The following DST variants were observed in gnomAD, a reference collection of about 807,000 sequenced individuals.
The protein encoded by DST is dystonin.
In DST, 253 loss-of-function variants were observed where a neutral mutation model predicts 875.2. The observed-to-expected ratio is 0.29, with a 90% confidence interval of 0.26 to 0.32. DST has a LOEUF of 0.32. Ranked by LOEUF, DST falls within the 10% of genes least tolerant of loss-of-function variation. DST has a pLI of 1.00. For missense variants in DST, 8,287 were observed against 9,111.6 expected (o/e 0.91, Z 3.68); for synonymous variants, 3,124 against 3,197.1 (o/e 0.98, Z 0.77).
At chr6:56,893,588 A>ATT (rs1788963958) in intron 3 of DST, among the ~76,000 whole-genome samples, 1 of 65,140 alleles carries the variant, frequency 1.5e-5, no homozygotes, top group Non-Finnish European at 2.8e-5. Context: ...TTTTTTTTTT[A>ATT]TTTTTTTTTA....
chr6:56,688,872 G>A (rs116353138), intron 9 of DST, among the ~76,000 whole-genome samples: 1,732 of 152,216 alleles, frequency 0.011, 28 homozygotes, highest in African/African-American at 0.04. Context: ...AAGAAATAAA[G>A]GAAGAGAGGG....
intron 5 of DST, among the ~76,000 whole-genome samples, chr6:56,732,177 C>T (rs1239848488): frequency 1.2e-4 from 19 of 152,078 alleles, no homozygotes; most frequent in Admixed American, 1.2e-3. Flanking sequence ...GGACCCTCTT[C>T]TAAGGAAGCA....
chr6:56,553,773 T>TC, intron 60 of DST, 118 bp from the exon 61 acceptor site: 2 of 923,942 alleles, frequency 2.2e-6, no homozygotes, highest in Non-Finnish European at 3.2e-6. Flanking sequence ...CAAGGGCTTT[T>TC]AGCATTGACT....
intron 4 of DST, among the ~76,000 whole-genome samples, chr6:56,768,931 T>G (rs1364664756): frequency 1.3e-5 from 2 of 152,028 alleles, no homozygotes; most frequent in African/African-American, 4.8e-5. Flanking sequence ...TAGCAGGGCA[T>G]AGTGGAACCA....
At position 56,639,963 on chromosome 6, in the gene DST, A is replaced by G; in HGVS notation, c.2585T>C (p.Phe862Ser). ...HKNVHRAIEE[F>S]ESSLKEAKIS... The stretch of plus-strand genomic sequence containing the variant: ...TTTAGCTTCTTTGAGACTAGATTCA[A>G]ATTCTTCAATAGCTCTATGAACATT... Residue 862 changes from phenylalanine to serine, a missense_variant, in exon 19 of 104, where the codon TTT (phenylalanine) becomes TCT (serine). Phe to Ser is a radical substitution (Grantham distance 155). Transcript: ENST00000680361. 6.2e-7 allele frequency: 1 copy of G among 1,613,412 alleles called. No homozygotes were observed. Among genetic ancestry groups the G allele is most frequent in the South Asian group, 1.1e-5 (1 of 91,030 alleles).
chr6:56,642,882 T>C, intron 15 of DST: 1 of 1,594,310 alleles, frequency 6.3e-7, no homozygotes, highest in Non-Finnish European at 8.5e-7. Context: ...CGGTGAAAAG[T>C]GGCAGCTGAA....
intron 61 of DST, among the ~76,000 whole-genome samples, chr6:56,544,791 ATT>A (rs974322324): frequency 2.6e-5 from 4 of 152,182 alleles, no homozygotes; most frequent in African/African-American, 9.7e-5. Flanking sequence ...TGCTATTAAA[ATT>A]TGTCACAATA....
At chr6:56,712,615 CAA>C (rs1472938996) in intron 5 of DST, among the ~76,000 whole-genome samples, 14 of 152,102 alleles carry the variant, frequency 9.2e-5, no homozygotes, top group Admixed American at 2.0e-4. Context: ...CTAGGTGTAA[CAA>C]AGTCTGCTTG....
chr6:56,632,157 C>A, intron 28 of DST, 117 bp from the exon 29 acceptor site: 1 of 701,268 alleles, frequency 1.4e-6, no homozygotes, highest in Non-Finnish European at 2.4e-6. Context: ...GCAAATGATT[C>A]CTGTTTTCAT....
intron 4 of DST, among the ~76,000 whole-genome samples, chr6:56,744,378 C>CAAA (rs35008377): frequency 4.7e-4 from 62 of 132,754 alleles, no homozygotes; most frequent in Middle Eastern, 3.9e-3. Flanking sequence ...GGCTGTATCT[C>CAAA]AAAAAAAAAA....
At chr6:56,460,377 G>C (rs1382914719) in intron 102 of DST, 123 bp from the exon 103 acceptor site, 7 of 942,990 alleles carry the variant, frequency 7.4e-6, no homozygotes, top group Non-Finnish European at 1.1e-5. Flanking sequence ...GGTGAAGGGG[G>C]AGAAACTCTT....
chr6:56,738,150 G>GA lies in DST; in HGVS notation c.626-2862dup, dbSNP rs569088250. Reference sequence around the variant, plus strand: ...TTCCATTTCCTATCACTGTCAGGGAGAAAAAAAAGGTACTTATATACAGCC... The same window carrying GA: ...TTCCATTTCCTATCACTGTCAGGGAGAAAAAAAAAGGTACTTATATACAGCC... On this transcript the variant is annotated intron_variant, in intron 4 of 103. Transcript: ENST00000680361. 3.3e-5 allele frequency among the ~76,000 whole-genome samples: 5 copies of GA among 151,604 alleles called. No individual in the cohort carries two copies. In the East Asian group the frequency reaches 5.8e-4, roughly 18 times the overall value.
rs2099573378 is a variant in DST, at chr6:56,746,667, G to A, written c.626-11378C>T. Reference sequence around the variant, plus strand: ...ATAAGGAGAGAGGTTGGTAGATGGTGTCTTTCCTATCTCATTCTACATATT... The same window carrying A: ...ATAAGGAGAGAGGTTGGTAGATGGTATCTTTCCTATCTCATTCTACATATT... On this transcript the variant is annotated intron_variant, in intron 4 of 103. Transcript: ENST00000680361. Among the ~76,000 whole-genome samples the A allele has an allele frequency of 3.9e-5, 6 of 152,288 alleles. 1 individual carries two copies. The South Asian group carries it at 1.2e-3, about 32-fold the overall frequency.
intron 35 of DST, 46 bp from the exon 36 acceptor site, chr6:56,624,674 CTTACTAAG>C: frequency 7.8e-7 from 1 of 1,280,850 alleles, no homozygotes; most frequent in Non-Finnish European, 1.1e-6. Context: ...TCCAGTTACT[CTTACTAAG>C]TTGAATGAAT....
At position 56,607,030 on chromosome 6, in the gene DST, T is replaced by C; in HGVS notation, c.7598A>G (p.Glu2533Gly). Residue 2533 changes from glutamate to glycine, a missense_variant, in exon 40 of 104, where the codon GAG becomes GGG. Physicochemically the swap from Glu to Gly is moderately conservative, Grantham distance 98 (BLOSUM62 -2). Coordinates refer to ENST00000680361, the MANE Select transcript of DST (RefSeq NM_001374736.1). Reference sequence around the variant, plus strand: ...AAAACCTGGATGTGTTTTTTCATCCTCACCAGAAGTATTTGAAATGTATTT... The same window carrying C: ...AAAACCTGGATGTGTTTTTTCATCCCCACCAGAAGTATTTGAAATGTATTT... Reference protein sequence around the residue: ...NDKYISNTSGEDEKTHPGFQQ... With the variant: ...NDKYISNTSGGDEKTHPGFQQ... The C allele has an allele frequency of 6.2e-7, 1 of 1,613,412 alleles. No homozygotes were observed. The highest frequency in any genetic ancestry group is 8.5e-7 in the Non-Finnish European group (1 of 1,179,582).
At chr6:56,769,945 A>C (rs2099645133) in intron 4 of DST, among the ~76,000 whole-genome samples, 1 of 152,270 alleles carries the variant, frequency 6.6e-6, no homozygotes, top group Non-Finnish European at 1.5e-5. Context: ...GGATACTAAA[A>C]GTAGAAATAA....
chr6:56,871,917 T>C (rs1777372298), intron 3 of DST, among the ~76,000 whole-genome samples: 1 of 152,156 alleles, frequency 6.6e-6, no homozygotes, highest in African/African-American at 2.4e-5. Flanking sequence ...TTACTATGTG[T>C]TGAAAAGAAC....
chr6:56,477,666 T>C (rs2152412514), intron 90 of DST, among the ~76,000 whole-genome samples, 178 bp from the exon 91 acceptor site: 1 of 152,330 alleles, frequency 6.6e-6, no homozygotes, highest in Middle Eastern at 3.4e-3. Context: ...AACAAAGTAC[T>C]TTCTAACATG....
chr6:56,637,596 T>C (rs187838929), intron 22 of DST, among the ~76,000 whole-genome samples: 12 of 152,296 alleles, frequency 7.9e-5, no homozygotes, highest in African/African-American at 2.6e-4. Context: ...ATTATAATGA[T>C]GATAATACTA....
Sources: gnomAD v4.1 joint callset for allele counts (sites outside exome capture counted in the v4.1 genomes callset) on GRCh38, gnomAD v4.1.1 for gene constraint, MANE v1.5 for transcripts, NCBI Gene and HGNC (gene_info 2026-07-23, HGNC 2026-07-21) for gene names.